DYM: variants seen among roughly 807,000 people sequenced by gnomAD.
DYM encodes dyggve-Melchior-Clausen syndrome protein.
A neutral mutation model predicts 93.1 loss-of-function variants in DYM; 78 were observed. That is an observed-to-expected ratio of 0.84 (90% CI 0.70 to 1.01). DYM has a LOEUF of 1.01. Ranked by LOEUF, DYM falls within the 50% of genes least tolerant of loss-of-function variation. The pLI is 0.00. For synonymous variants in DYM, 321 were observed against 319.7 expected, an observed-to-expected ratio of 1.00 and a Z score of -0.04; for missense variants, 789 against 845.0, an observed-to-expected ratio of 0.93 and a Z score of 0.82.
At chr18:49,190,567 G>C (rs542221905) in intron 14 of DYM, among the ~76,000 whole-genome samples, 1 of 152,174 alleles carries the variant, frequency 6.6e-6, no homozygotes, top group African/African-American at 2.4e-5. Context: ...TATAGTATGT[G>C]CTACCTGAAA....
At chr18:49,126,844 T>C (rs965517557) in intron 15 of DYM, among the ~76,000 whole-genome samples, 9 of 152,200 alleles carry the variant, frequency 5.9e-5, no homozygotes, top group African/African-American at 9.6e-5. Flanking sequence ...CTTTCCAAAG[T>C]TGAAATTACT....
At chr18:49,289,727 G>GTGTATATATATATATA (rs1555678602) in intron 8 of DYM, among the ~76,000 whole-genome samples, 4 of 85,092 alleles carry the variant, frequency 4.7e-5, no homozygotes, top group Non-Finnish European at 8.4e-5. Context: ...ATATATATGT[G>GTGTATATATATATATA]TATATATATA....
chr18:49,118,943 A>C lies in DYM; in HGVS notation c.1729-17T>G, dbSNP rs931212055. ...GTCTTGTGCCTTATAGAGAAAAGAA[A>C]CCCCAACACAGAGTCAGTCTTTTCC... On this transcript the variant is annotated splice_polypyrimidine_tract_variant and intron_variant, in intron 15 of 17. Coordinates refer to ENST00000675505, the MANE Select transcript of DYM (RefSeq NM_001353214.3). 1 of 1,610,896 alleles carries C rather than the reference A, an allele frequency of 6.2e-7. No homozygotes were observed. Among genetic ancestry groups the C allele is most frequent in the Non-Finnish European group, 8.5e-7 (1 of 1,177,346 alleles).
At position 49,200,572 on chromosome 18, in the gene DYM, T is replaced by C. The variant is rs557269906; in HGVS notation, c.1625+8979A>G. Among the ~76,000 whole-genome samples, 4 of 152,054 alleles carry C rather than the reference T, an allele frequency of 2.6e-5. No individual in the cohort carries two copies. In the South Asian group the frequency reaches 8.3e-4, roughly 32 times the overall value. ...ATGATATTCCATTGAGTTGATAGGATATAGTTTATTTGACCATTCTTCTAT... is the reference window on the plus strand; with the variant it reads ...ATGATATTCCATTGAGTTGATAGGACATAGTTTATTTGACCATTCTTCTAT... On this transcript the variant is annotated intron_variant, in intron 14 of 17. Transcript: ENST00000675505.
At chr18:49,289,816 T>C (rs1413124597) in intron 8 of DYM, among the ~76,000 whole-genome samples, 2 of 138,306 alleles carry the variant, frequency 1.4e-5, no homozygotes, top group Non-Finnish European at 3.1e-5. Flanking sequence ...TATACACATA[T>C]ATATTTATTT....
At position 49,377,467 on chromosome 18, in the gene DYM, G is replaced by A. The variant is rs377284245; in HGVS notation, c.421+1100C>T. The stretch of plus-strand genomic sequence containing the variant: ...CCCAGCTACTCAGGAGGCTGAGACA[G>A]GAGAATTGCTTGAACTCAGGAGGCA... On this transcript the variant is annotated intron_variant, in intron 5 of 17. Transcript: ENST00000675505. 9.2e-5 allele frequency among the ~76,000 whole-genome samples: 14 copies of A among 152,134 alleles called. No homozygotes were observed. The South Asian group carries it at 2.9e-3, about 32-fold the overall frequency.
chr18:49,352,108 A>G (rs568280494), intron 6 of DYM, among the ~76,000 whole-genome samples: 15 of 152,354 alleles, frequency 9.8e-5, no homozygotes, highest in African/African-American at 3.6e-4. Context: ...AAGTAAAACA[A>G]TGCAAACACA....
chr18:49,288,746 C>G (rs2059825139), intron 8 of DYM, among the ~76,000 whole-genome samples: 1 of 151,906 alleles, frequency 6.6e-6, no homozygotes, highest in South Asian at 2.1e-4. Flanking sequence ...TGCCACTGCA[C>G]TCCAGCCTGG....
chr18:49,236,942 G>A (rs1488076613), intron 13 of DYM, among the ~76,000 whole-genome samples: 10 of 152,136 alleles, frequency 6.6e-5, no homozygotes, highest in Admixed American at 2.6e-4. Context: ...GTTGCTTAAC[G>A]AAGCTCAAGA....
chr18:49,400,161 G>T (rs1210828471), intron 2 of DYM, among the ~76,000 whole-genome samples: 1 of 151,822 alleles, frequency 6.6e-6, no homozygotes, highest in African/African-American at 2.4e-5. Context: ...GACTGGTCTT[G>T]AACTCCTGAC....
At chr18:49,432,911 A>G (rs2080470045) in intron 1 of DYM, among the ~76,000 whole-genome samples, 1 of 152,216 alleles carries the variant, frequency 6.6e-6, no homozygotes, top group African/African-American at 2.4e-5. Context: ...AGAGGAATTA[A>G]TTTAACTAGA....
intron 15 of DYM, chr18:49,126,520 AAAG>A (rs2082848032): frequency 2.0e-5 from 3 of 152,324 alleles, no homozygotes; most frequent in African/African-American, 7.2e-5. Flanking sequence ...CCACTTGTAA[AAAG>A]AAGAAAAATC....
intron 6 of DYM, among the ~76,000 whole-genome samples, chr18:49,339,935 GGTTT>G (rs1381887222): frequency 6.6e-6 from 1 of 151,500 alleles, no homozygotes; most frequent in Non-Finnish European, 1.5e-5. Flanking sequence ...GTTTTTTTGG[GGTTT>G]TTTGTTTGTT....
chr18:49,252,216 CAAAAAAAAAAAAA>C (rs774500057), intron 13 of DYM, among the ~76,000 whole-genome samples: 30 of 27,236 alleles, frequency 1.1e-3, no homozygotes, highest in African/African-American at 5.9e-3. Context: ...AGACTTGCCT[CAAAAAAAAAAAAA>C]AAAAAAAAAA....
intron 8 of DYM, among the ~76,000 whole-genome samples, chr18:49,288,697 T>C (rs12326513): frequency 0.023 from 3,485 of 152,076 alleles, 137 homozygotes; most frequent in African/African-American, 0.08. Context: ...GGAGAATCTC[T>C]TGAACCCGAG....
At chr18:49,119,523 A>G (rs186051130) in intron 15 of DYM, among the ~76,000 whole-genome samples, 240 of 152,344 alleles carry the variant, frequency 1.6e-3, no homozygotes, top group Non-Finnish European at 2.8e-3. Context: ...GAGCAAGCAC[A>G]TGGGTATATA....
At chr18:49,445,358 T>A (rs550716927) in intron 1 of DYM, among the ~76,000 whole-genome samples, 1 of 152,104 alleles carries the variant, frequency 6.6e-6, no homozygotes, top group Non-Finnish European at 1.5e-5. Flanking sequence ...CCAGGTAGGA[T>A]AGGTACAGAA....
intron 13 of DYM, among the ~76,000 whole-genome samples, chr18:49,235,066 C>G (rs11082742): frequency 0.077 from 11,697 of 152,170 alleles, 734 homozygotes; most frequent in East Asian, 0.31. Flanking sequence ...CCCAGCAGGC[C>G]TACAACTTGA....
At chr18:49,193,047 T>G (rs528511351) in intron 14 of DYM, among the ~76,000 whole-genome samples, 1 of 152,330 alleles carries the variant, frequency 6.6e-6, no homozygotes, top group African/African-American at 2.4e-5. Flanking sequence ...AGTAAATCTC[T>G]AATGTTCTCG....
Sources: gnomAD v4.1 joint callset for allele counts (sites outside exome capture counted in the v4.1 genomes callset) on GRCh38, gnomAD v4.1.1 for gene constraint, MANE v1.5 for transcripts, NCBI Gene and HGNC (gene_info 2026-07-23, HGNC 2026-07-21) for gene names.